Variants in ARHGAP31 observed in about 807,000 individuals in gnomAD.
The protein encoded by ARHGAP31 is rho GTPase-activating protein 31.
Under a neutral mutation model 113.9 loss-of-function variants are expected in ARHGAP31, and 34 were observed. The observed-to-expected ratio is 0.30, with a 90% confidence interval of 0.23 to 0.40. ARHGAP31 has a LOEUF of 0.40. Ranked by LOEUF, ARHGAP31 falls within the 10% of genes least tolerant of loss-of-function variation. The probability of loss-of-function intolerance (pLI) is 1.00; values close to 1 mark genes in which losing one functional copy is unlikely to be tolerated. For synonymous variants in ARHGAP31, 650 were observed against 684.8 expected, an observed-to-expected ratio of 0.95 and a Z score of 0.79; for missense variants, 1,548 against 1,767.1, an observed-to-expected ratio of 0.88 and a Z score of 2.22.
At position 119,416,039 on chromosome 3, in the gene ARHGAP31, G is replaced by C; in HGVS notation, c.4110G>C (p.Lys1370Asn). The C allele has an allele frequency of 6.2e-7, 1 of 1,614,158 alleles. No individual in the cohort carries two copies. The highest frequency in any genetic ancestry group is 8.5e-7 in the Non-Finnish European group (1 of 1,180,024). The change falls in exon 12 of 12, where the codon AAG becomes AAC. Residue 1370 changes from lysine (K) to asparagine (N), a missense_variant. Coordinates refer to ENST00000264245, the MANE Select transcript of ARHGAP31 (RefSeq NM_020754.4). ...CTTCATCCACAGTGACAGATTCCAA[G>C]GTCCTGCTGTCCCCTATCAGAAGTC... is the stretch of plus-strand genomic sequence containing the variant. ...LPPSSTVTDS[K>N]VLLSPIRSPT... is the part of the protein sequence containing the mutation.
intron 1 of ARHGAP31, among the ~76,000 whole-genome samples, chr3:119,323,351 C>G (rs1427214364): frequency 6.6e-6 from 1 of 152,152 alleles, no homozygotes; most frequent in Non-Finnish European, 1.5e-5. Context: ...ACCTCGGGCC[C>G]GGATGGGCTT....
chr3:119,387,913 A>G (rs1049749394), intron 6 of ARHGAP31, among the ~76,000 whole-genome samples: 1 of 152,214 alleles, frequency 6.6e-6, no homozygotes, highest in Non-Finnish European at 1.5e-5. Flanking sequence ...TTGGGGGTAT[A>G]ATTTTGGGAC....
At chr3:119,350,741 T>C (rs1197317075) in intron 1 of ARHGAP31, among the ~76,000 whole-genome samples, 1 of 152,182 alleles carries the variant, frequency 6.6e-6, no homozygotes, top group East Asian at 1.9e-4. Context: ...GATTGAAGTT[T>C]ATATTTTATT....
At position 119,414,115 on chromosome 3, in the gene ARHGAP31, G is replaced by A. The variant is rs2080744392; in HGVS notation, c.2186G>A (p.Gly729Glu). ...GATCCAGCCAATCAGAGCACACAGG[G>A]GGCTTCCACAGCAGCCAGCAGAGAG... ...TRDPANQSTQGASTAASREKP... is the reference protein window; with the variant it reads ...TRDPANQSTQEASTAASREKP... Residue 729 changes from glycine to glutamate, a missense_variant, in exon 12 of 12, where the codon GGG becomes GAG. Transcript: ENST00000264245. 1.9e-6 allele frequency: 3 copies of A among 1,614,164 alleles called. No individual in the cohort carries two copies. Among genetic ancestry groups the A allele is most frequent in the Non-Finnish European group, 2.5e-6 (3 of 1,180,034 alleles).
At chr3:119,408,043 A>G (rs943658659) in intron 10 of ARHGAP31, among the ~76,000 whole-genome samples, 15 of 66,852 alleles carry the variant, frequency 2.2e-4, no homozygotes, top group Admixed American at 7.3e-4. Context: ...ACCTAGAGAT[A>G]AGCAACCTAG....
intron 1 of ARHGAP31, among the ~76,000 whole-genome samples, chr3:119,309,684 CAGG>C (rs941628967): frequency 6.6e-6 from 1 of 152,034 alleles, no homozygotes; most frequent in African/African-American, 2.4e-5. Flanking sequence ...TGCTTGAGCC[CAGG>C]AGGTCAAAGC....
chr3:119,333,505 T>C (rs911842842), intron 1 of ARHGAP31, among the ~76,000 whole-genome samples: 1 of 152,254 alleles, frequency 6.6e-6, no homozygotes, highest in African/African-American at 2.4e-5. Context: ...CTGAGCTTTT[T>C]TCTTAATACA....
In ARHGAP31 at chr3:119,368,516, G is replaced by A. The variant is rs749601853; in HGVS notation, c.348G>A (p.Thr116=). ...CTTATGAGCTCTATGAGAAATTCAC[G>A]GTGAGTGTTTGGATTTCCATTATGG... ...LLTYELYEKF[T]EAVSHCPEEG... Residue 116 remains threonine (T), a splice_region_variant and synonymous_variant, in exon 3 of 12, where the codon ACG becomes ACA. Coordinates refer to ENST00000264245, the MANE Select transcript of ARHGAP31 (RefSeq NM_020754.4). The A allele has an allele frequency of 8.7e-6, 14 of 1,613,950 alleles. No homozygotes were observed. The highest frequency in any genetic ancestry group is 1.0e-5 in the Non-Finnish European group (12 of 1,180,010).
rs557627493 is a variant in ARHGAP31 at position 119,347,081 on chromosome 3, C to T, written c.101-18235C>T. 9.9e-5 allele frequency among the ~76,000 whole-genome samples: 15 copies of T among 152,282 alleles called. No individual in the cohort carries two copies. In the East Asian group the frequency reaches 2.1e-3, roughly 22 times the overall value. ...GGGAAGAGACAAAAAGCACTACAGA[C>T]TAGGGTACACTTTGTCATCCCTTCA... On this transcript the variant is annotated intron_variant, in intron 1 of 11. Transcript: ENST00000264245.
intron 1 of ARHGAP31, among the ~76,000 whole-genome samples, chr3:119,317,242 G>C (rs1022626328): frequency 2.6e-5 from 4 of 151,196 alleles, no homozygotes; most frequent in Non-Finnish European, 5.9e-5. Flanking sequence ...GCAGTGGCGC[G>C]ATCTCAGCTC....
chr3:119,315,074 A>G (rs2079717543), intron 1 of ARHGAP31, among the ~76,000 whole-genome samples: 1 of 152,216 alleles, frequency 6.6e-6, no homozygotes, highest in South Asian at 2.1e-4. Context: ...AGGGCCTTCT[A>G]GTACATTGTC....
chr3:119,352,247 T>A (rs1355790726), intron 1 of ARHGAP31, among the ~76,000 whole-genome samples: 1 of 152,146 alleles, frequency 6.6e-6, no homozygotes, highest in East Asian at 1.9e-4. Context: ...TTCACAGCAT[T>A]TGAATCTTTT....
intron 1 of ARHGAP31, among the ~76,000 whole-genome samples, chr3:119,340,474 C>T (rs757680265): frequency 1.3e-5 from 2 of 152,134 alleles, no homozygotes; most frequent in Non-Finnish European, 2.9e-5. Context: ...ATTTAGTGAC[C>T]AATTAGATAT....
intron 10 of ARHGAP31, 28 bp downstream of exon 10, chr3:119,402,425 C>T (rs2080620543): frequency 1.2e-6 from 2 of 1,605,158 alleles, no homozygotes; most frequent in Non-Finnish European, 1.7e-6. Context: ...GGTATCTTTC[C>T]GTTGCAAGAG....
At chr3:119,376,220 G>A (rs1391382772) in intron 3 of ARHGAP31, among the ~76,000 whole-genome samples, 1 of 152,234 alleles carries the variant, frequency 6.6e-6, no homozygotes, top group Admixed American at 6.5e-5. Flanking sequence ...CAGGCTTGGT[G>A]GCTTACGCCT....
At chr3:119,336,499 A>G (rs2079949314) in intron 1 of ARHGAP31, among the ~76,000 whole-genome samples, 1 of 152,208 alleles carries the variant, frequency 6.6e-6, no homozygotes, top group Non-Finnish European at 1.5e-5. Flanking sequence ...GAAAAGTTAA[A>G]AATGACAATA....
At chr3:119,336,057 C>T (rs185119052) in intron 1 of ARHGAP31, among the ~76,000 whole-genome samples, 53 of 152,224 alleles carry the variant, frequency 3.5e-4, no homozygotes, top group Admixed American at 6.5e-4. Context: ...TGCCTACAAT[C>T]CCAGCTACTC....
At chr3:119,384,108 G>T (rs960380105) in intron 6 of ARHGAP31, among the ~76,000 whole-genome samples, 1 of 152,144 alleles carries the variant, frequency 6.6e-6, no homozygotes, top group Non-Finnish European at 1.5e-5. Context: ...ATATTTTTTA[G>T]CTGATCAAAG....
At chr3:119,396,338 T>C (rs748895546) in intron 8 of ARHGAP31, among the ~76,000 whole-genome samples, 1 of 152,220 alleles carries the variant, frequency 6.6e-6, no homozygotes, top group Non-Finnish European at 1.5e-5. Flanking sequence ...GATTCTGATA[T>C]GCAGTCAGTG....
Sources: allele counts gnomAD v4.1 joint callset (sites outside exome capture counted in the v4.1 genomes callset), GRCh38; gene constraint gnomAD v4.1.1; transcripts MANE v1.5; gene names NCBI Gene and HGNC (gene_info 2026-07-23, HGNC 2026-07-21).